CFHR4: variants seen among roughly 807,000 people sequenced by gnomAD.
CFHR4 encodes the protein complement factor H related 4.
A neutral mutation model predicts 69.3 loss-of-function variants in CFHR4; 64 were observed. That is an observed-to-expected ratio of 0.92 (90% CI 0.76 to 1.14). The LOEUF is 1.14. Ranked by LOEUF, CFHR4 falls within the 50% of genes most tolerant of loss-of-function variation. CFHR4 has a pLI of 0.00. For missense variants in CFHR4, 636 were observed against 684.9 expected (o/e 0.93, Z 0.80); for synonymous variants, 244 against 237.0 (o/e 1.03, Z -0.27).
chr1:196,914,415 A>T, intron 7 of CFHR4, 80 bp from the exon 8 acceptor site: 1 of 1,429,000 alleles, frequency 7.0e-7, no homozygotes, highest in East Asian at 2.4e-5. Flanking sequence ...GGTAAATTTT[A>T]TCCCTACAAT....
intron 9 of CFHR4, among the ~76,000 whole-genome samples, 168 bp from the exon 10 acceptor site, chr1:196,918,042 A>C (rs1031037410): frequency 5.3e-5 from 8 of 151,672 alleles, no homozygotes; most frequent in African/African-American, 1.9e-4. Context: ...AACTGAACTT[A>C]TTATATTTTT....
At chr1:196,905,564 G>C (rs941096511) in intron 3 of CFHR4, among the ~76,000 whole-genome samples, 6 of 151,330 alleles carry the variant, frequency 4.0e-5, no homozygotes, top group Non-Finnish European at 8.8e-5. Context: ...AGCTGCATGG[G>C]AATATCAGCA....
Position 196,914,473 on chromosome 1 carries a change from C to T in CFHR4, c.1181-22C>T, listed in dbSNP as rs759296748. The T allele has an allele frequency of 7.5e-6, 12 of 1,597,690 alleles. 1 individual carries two copies. The African/African-American group carries it at 1.4e-4, about 18-fold the overall frequency. On this transcript the variant is annotated intron_variant, in intron 7 of 9. Transcript: ENST00000608469. ...GCATCGTATGGCATAGAAAAGCAAT[C>T]CTCAATTTTATTTTGTTTCAGAATT...
chr1:196,911,082 G>A (rs1003989142), intron 6 of CFHR4, among the ~76,000 whole-genome samples: 1 of 151,320 alleles, frequency 6.6e-6, no homozygotes, highest in African/African-American at 2.4e-5. Flanking sequence ...ATGCATTCGT[G>A]TCAGTTAGTC....
chr1:196,896,811 T>G (rs1571418585), intron 1 of CFHR4, among the ~76,000 whole-genome samples: 1 of 151,614 alleles, frequency 6.6e-6, no homozygotes, highest in East Asian at 1.9e-4. Context: ...AGGTGTTTCC[T>G]CCTCCGCCAT....
chr1:196,900,776 AAC>A (rs1657561357), intron 1 of CFHR4, among the ~76,000 whole-genome samples: 1 of 151,392 alleles, frequency 6.6e-6, no homozygotes, highest in South Asian at 2.1e-4. Context: ...GTCGGGGGGA[AAC>A]AACAGAATGT....
intron 3 of CFHR4, among the ~76,000 whole-genome samples, chr1:196,906,537 A>G (rs1657915453): frequency 6.6e-6 from 1 of 151,626 alleles, no homozygotes; most frequent in African/African-American, 2.4e-5. Context: ...TATCTTCTTT[A>G]AAATAATACA....
At chr1:196,905,036 T>G in intron 2 of CFHR4, 72 bp from the exon 3 acceptor site, 1 of 1,330,850 alleles carries the variant, frequency 7.5e-7, no homozygotes, top group Non-Finnish European at 1.0e-6. Context: ...ACTGCCATGT[T>G]TTTACTTGTT....
chr1:196,896,455 C>T (rs6664223), intron 1 of CFHR4, among the ~76,000 whole-genome samples: 150,421 of 151,406 alleles, frequency 0.99, 74,754 homozygotes, highest in Middle Eastern at 1. Flanking sequence ...TGGAGAAAGC[C>T]GAAAAACAAT....
intron 9 of CFHR4, among the ~76,000 whole-genome samples, chr1:196,917,366 C>T (rs923405298): frequency 1.3e-5 from 2 of 151,794 alleles, no homozygotes; most frequent in Admixed American, 1.3e-4. Context: ...CACCATGGCA[C>T]ACATTTACCT....
At chr1:196,903,632 G>A (rs982339052) in intron 2 of CFHR4, among the ~76,000 whole-genome samples, 1 of 150,618 alleles carries the variant, frequency 6.6e-6, no homozygotes, top group African/African-American at 2.5e-5. Context: ...CAGACTCGGT[G>A]ATAGAGCAAG....
At chr1:196,903,580 G>C (rs559407592) in intron 2 of CFHR4, among the ~76,000 whole-genome samples, 2 of 151,166 alleles carry the variant, frequency 1.3e-5, no homozygotes, top group East Asian at 3.9e-4. Context: ...TTGAACCAGG[G>C]AGGCGGAGGT....
intron 1 of CFHR4, among the ~76,000 whole-genome samples, chr1:196,888,439 T>C (rs1656844444): frequency 6.6e-6 from 1 of 151,222 alleles, no homozygotes; most frequent in Non-Finnish European, 1.5e-5. Flanking sequence ...TTCTACAGTG[T>C]AAAAAGCATC....
At chr1:196,917,267 A>G (rs2477998) in intron 9 of CFHR4, among the ~76,000 whole-genome samples, 1 of 151,928 alleles carries the variant, frequency 6.6e-6, no homozygotes, top group Non-Finnish European at 1.5e-5. Context: ...ATCATCAAAA[A>G]TGAAAAGCTT....
chr1:196,907,930 A>C lies in CFHR4; in HGVS notation c.799+432A>C, dbSNP rs186911970. ...TGTCCAGACCCAAATGACAGACTAG[A>C]TAAAGAAAATGTGGCACATGTACAC... On this transcript the variant is annotated intron_variant, in intron 5 of 9. Transcript: ENST00000608469. Among the ~76,000 whole-genome samples the C allele has an allele frequency of 5.1e-3, 780 of 151,568 alleles. 11 individuals carry two copies. Among genetic ancestry groups the C allele is most frequent in the Non-Finnish European group, 8.9e-3 (607 of 67,956 alleles).
At chr1:196,916,055 C>A (rs946953010) in intron 9 of CFHR4, among the ~76,000 whole-genome samples, 1 of 151,496 alleles carries the variant, frequency 6.6e-6, no homozygotes, top group African/African-American at 2.4e-5. Context: ...TTTCCACAAC[C>A]CATTGCTTTT....
chr1:196,916,158 A>G (rs1401175401), intron 9 of CFHR4, among the ~76,000 whole-genome samples: 2 of 151,466 alleles, frequency 1.3e-5, no homozygotes, highest in Non-Finnish European at 2.9e-5. Context: ...ATACTTCTAG[A>G]ATTTTGTCCC....
At chr1:196,902,036 T>G (rs1657641837) in intron 1 of CFHR4, among the ~76,000 whole-genome samples, 1 of 151,504 alleles carries the variant, frequency 6.6e-6, no homozygotes, top group African/African-American at 2.4e-5. Context: ...AACTACTATC[T>G]CCCACTCTAG....
intron 2 of CFHR4, among the ~76,000 whole-genome samples, chr1:196,902,846 T>C (rs1216509164): frequency 6.6e-6 from 1 of 151,532 alleles, no homozygotes; most frequent in Non-Finnish European, 1.5e-5. Context: ...TATTTTATCA[T>C]AAAAACTAAG....
Sources: allele counts gnomAD v4.1 joint callset (sites outside exome capture counted in the v4.1 genomes callset), GRCh38; gene constraint gnomAD v4.1.1; transcripts MANE v1.5; gene names NCBI Gene and HGNC (gene_info 2026-07-23, HGNC 2026-07-21).